The following ALDH1L1 variants were observed in gnomAD, a reference collection of about 807,000 sequenced individuals.
ALDH1L1 encodes cytosolic 10-formyltetrahydrofolate dehydrogenase.
In ALDH1L1, 68 loss-of-function variants were observed where a neutral mutation model predicts 101.1. The ratio of observed to expected loss-of-function variants is 0.67; its 90% CI spans 0.55 to 0.82. ALDH1L1 has a LOEUF of 0.82. ALDH1L1 is among the 40% of genes least tolerant of loss of function. The pLI is 0.00. For missense variants in ALDH1L1, 1,087 were observed against 1,172.7 expected, an observed-to-expected ratio of 0.93 and a Z score of 1.07; for synonymous variants, 486 against 470.8, an observed-to-expected ratio of 1.03 and a Z score of -0.42.
intron 11 of ALDH1L1, 139 bp downstream of exon 11, chr3:126,136,625 C>T (rs2080450972): frequency 2.9e-6 from 4 of 1,368,136 alleles, no homozygotes; most frequent in South Asian, 2.9e-5. Context: ...AACGACCTGG[C>T]ATTCTTTCCC....
intron 20 of ALDH1L1, among the ~76,000 whole-genome samples, chr3:126,109,690 G>A (rs1386494549): frequency 1.3e-5 from 2 of 151,186 alleles, no homozygotes; most frequent in African/African-American, 2.5e-5. Context: ...CAAGGCTGCG[G>A]TGACAGTAAG....
intron 19 of ALDH1L1, 62 bp downstream of exon 19, chr3:126,112,720 C>A: frequency 1.3e-6 from 2 of 1,504,748 alleles, no homozygotes; most frequent in South Asian, 1.1e-5. Flanking sequence ...CTCCAACCCC[C>A]TCCAGCCAGG....
At chr3:126,116,497 C>A (rs2079975747) in intron 17 of ALDH1L1, among the ~76,000 whole-genome samples, 2 of 152,176 alleles carry the variant, frequency 1.3e-5, no homozygotes, top group Non-Finnish European at 2.9e-5. Flanking sequence ...CTGGAGTGCT[C>A]AGAGCTGACA....
chr3:126,130,172 A>T, intron 14 of ALDH1L1, 51 bp downstream of exon 14: 1 of 1,533,742 alleles, frequency 6.5e-7, no homozygotes, highest in South Asian at 1.3e-5. Context: ...AGTTCCGTGT[A>T]CTGCATGGAA....
At chr3:126,159,528 T>C (rs1385860149) in intron 2 of ALDH1L1, 1 of 456,698 alleles carries the variant, frequency 2.2e-6, no homozygotes, top group Non-Finnish European at 4.4e-6. Flanking sequence ...GGACTGGCTC[T>C]CCTCTCCGGT....
intron 2 of ALDH1L1, among the ~76,000 whole-genome samples, chr3:126,158,936 C>T (rs1449702381): frequency 3.9e-5 from 6 of 152,178 alleles, no homozygotes; most frequent in Non-Finnish European, 7.3e-5. Flanking sequence ...CCTTGCCATC[C>T]CCGTCACTGA....
At position 126,161,007 on chromosome 3, in the gene ALDH1L1, A is replaced by C; in HGVS notation, c.-23-5T>G. 1.2e-6 allele frequency: 2 copies of C among 1,614,002 alleles called. No homozygotes were observed. The highest frequency in any genetic ancestry group is 1.1e-5 in the South Asian group (1 of 91,062). ...TAGCAGGAGGGTTGGAAGGACCTGG[A>C]GAAGGAATAAGGCAGCAATTAGACA... On this transcript the variant is annotated splice_polypyrimidine_tract_variant and splice_region_variant and intron_variant, in intron 1 of 22. Transcript: ENST00000393434.
chr3:126,130,116 A>G, intron 14 of ALDH1L1, 107 bp downstream of exon 14: 1 of 1,052,198 alleles, frequency 9.5e-7, no homozygotes, highest in Non-Finnish European at 1.3e-6. Context: ...TGGCTGTTTG[A>G]TAAATGCACG....
At chr3:126,115,820 C>A (rs2079955603) in intron 17 of ALDH1L1, among the ~76,000 whole-genome samples, 1 of 151,562 alleles carries the variant, frequency 6.6e-6, no homozygotes, top group Non-Finnish European at 1.5e-5. Flanking sequence ...GGTGATCTGC[C>A]CACCTCGGCC....
Position 126,112,819 on chromosome 3 carries a change from A to G in ALDH1L1, c.2144T>C (p.Val715Ala), listed in dbSNP as rs1946123410. The G allele has an allele frequency of 1.2e-6, 2 of 1,613,720 alleles. No individual in the cohort carries two copies. Among genetic ancestry groups the G allele is most frequent in the Non-Finnish European group, 1.7e-6 (2 of 1,180,022 alleles). The change falls in exon 19 of 23, where the codon GTG (valine) becomes GCG (alanine). Residue 715 changes from valine to alanine, a missense_variant. By Grantham distance (64) the Val-to-Ala change is moderately conservative (BLOSUM62 0). Around this residue, in one of 2 missense-constraint regions of ALDH1L1, gnomAD observed 442 missense variants for 535.7 expected, o/e 0.83. Coordinates refer to ENST00000393434, the MANE Select transcript of ALDH1L1 (RefSeq NM_012190.4). Reference sequence around the variant, plus strand: ...GAACTCATCATGAATGGAGTCCTCCACAAAGAGTCGGCCTGCTGCAATGCA... The same window carrying G: ...GAACTCATCATGAATGGAGTCCTCCGCAAAGAGTCGGCCTGCTGCAATGCA... ...ENCIAAGRLF[V>A]EDSIHDEFVR... is the part of the protein sequence containing the mutation.
intron 1 of ALDH1L1, among the ~76,000 whole-genome samples, chr3:126,191,740 A>T (rs2081554693): frequency 6.6e-6 from 1 of 152,210 alleles, no homozygotes; most frequent in African/African-American, 2.4e-5. Context: ...GTCATGCCTT[A>T]GAGTGAAACT....
chr3:126,137,954 C>T lies in ALDH1L1; in HGVS notation c.1083G>A (p.Val361=). ...GAASVDVVRL[V]EEVKELCDGL... ...CATCACACAGCTCCTTCACTTCCTC[C>T]ACCAGCCTGGAGGAAGGAGATGGAA... The change falls in exon 10 of 23, where the codon GTG becomes GTA. Residue 361 remains valine (V), a synonymous_variant. Transcript: ENST00000393434. 6.2e-7 allele frequency: 1 copy of T among 1,614,128 alleles called. No homozygotes were observed. The highest frequency in any genetic ancestry group is 8.5e-7 in the Non-Finnish European group (1 of 1,179,982).
intron 13 of ALDH1L1, 141 bp from the exon 14 acceptor site, chr3:126,130,434 G>A: frequency 1.5e-6 from 1 of 656,166 alleles, no homozygotes; most frequent in Non-Finnish European, 2.3e-6. Context: ...GAGACAGGCA[G>A]GGGGGCAGCC....
chr3:126,125,015 C>A (rs556858991), intron 15 of ALDH1L1, among the ~76,000 whole-genome samples: 3 of 152,164 alleles, frequency 2.0e-5, no homozygotes, highest in Non-Finnish European at 4.4e-5. Flanking sequence ...AGGCAGGCAG[C>A]GGGCAGGCTG....
chr3:126,115,097 G>A (rs2079933789), intron 17 of ALDH1L1: 1 of 457,206 alleles, frequency 2.2e-6, no homozygotes, highest in Admixed American at 2.4e-5. Flanking sequence ...TACAGCCCCG[G>A]TGCCAAGCAC....
Position 126,175,129 on chromosome 3 carries a change from A to G in ALDH1L1, c.-24+5347T>C, listed in dbSNP as rs907933277. Among the ~76,000 whole-genome samples the G allele has an allele frequency of 1.1e-4, 16 of 152,276 alleles. No homozygotes were observed. The East Asian group carries it at 2.5e-3, about 24-fold the overall frequency. ...CTAGTATGAACAACTCTATATCAACAAATTTGGTAAGTTAAATGAAATGAA... is the reference window on the plus strand; with the variant it reads ...CTAGTATGAACAACTCTATATCAACGAATTTGGTAAGTTAAATGAAATGAA... On this transcript the variant is annotated intron_variant, in intron 1 of 22. Transcript: ENST00000393434.
intron 9 of ALDH1L1, among the ~76,000 whole-genome samples, chr3:126,140,786 C>CGTT (rs2080551907): frequency 6.6e-6 from 1 of 151,206 alleles, no homozygotes; most frequent in Non-Finnish European, 1.5e-5. Context: ...TAACTAAAAA[C>CGTT]ATACAGTAAA....
intron 12 of ALDH1L1, 114 bp from the exon 13 acceptor site, chr3:126,131,648 A>G (rs551590835): frequency 1.7e-5 from 21 of 1,244,734 alleles, no homozygotes; most frequent in Non-Finnish European, 1.1e-6. Context: ...CAGTTCTGCC[A>G]CTCTCAGATG....
chr3:126,153,618 G>A (rs1478232284), intron 6 of ALDH1L1, 37 bp from the exon 7 acceptor site: 8 of 1,594,174 alleles, frequency 5.0e-6, no homozygotes, highest in Non-Finnish European at 6.8e-6. Flanking sequence ...TGGTGGGTGA[G>A]AAGAAGCCCC....
Sources: allele counts gnomAD v4.1 joint callset (sites outside exome capture counted in the v4.1 genomes callset), GRCh38; gene constraint gnomAD v4.1.1; regional missense constraint gnomAD v4.1.1; transcripts MANE v1.5; gene names NCBI Gene and HGNC (gene_info 2026-07-23, HGNC 2026-07-21).